LRP12: variants seen among roughly 807,000 people sequenced by gnomAD.
LRP12 encodes LDL receptor related protein 12, also known as low-density lipoprotein receptor-related protein 12.
In LRP12, 14 loss-of-function variants were observed where a neutral mutation model predicts 66.0. The observed-to-expected ratio is 0.21, with a 90% CI of 0.14 to 0.33. The LOEUF (loss-of-function observed/expected upper bound fraction) is 0.33, where lower values mean the gene tolerates loss of function less well. LRP12 is among the 10% of genes least tolerant of loss of function. The probability of loss-of-function intolerance (pLI) is 1.00; values close to 1 mark genes in which losing one functional copy is unlikely to be tolerated. For missense variants in LRP12, 889 were observed against 1,053.4 expected, an observed-to-expected ratio of 0.84 and a Z score of 2.16; for synonymous variants, 357 against 359.1, an observed-to-expected ratio of 0.99 and a Z score of 0.07.
chr8:104,571,916 G>T (rs1402258151), intron 1 of LRP12, among the ~76,000 whole-genome samples: 1 of 152,210 alleles, frequency 6.6e-6, no homozygotes, highest in Admixed American at 6.5e-5. Context: ...GTGTCAGAAA[G>T]GCTGGGGACC....
intron 2 of LRP12, among the ~76,000 whole-genome samples, chr8:104,526,693 A>G (rs1811244765): frequency 6.8e-6 from 1 of 147,142 alleles, no homozygotes. Flanking sequence ...AAGATGGATT[A>G]AAGACTTAAA....
chr8:104,572,073 G>T (rs1245936585), intron 1 of LRP12, among the ~76,000 whole-genome samples: 1 of 152,200 alleles, frequency 6.6e-6, no homozygotes, highest in Non-Finnish European at 1.5e-5. Flanking sequence ...TCCATAAAAT[G>T]GCAAGGAATA....
At position 104,491,312 on chromosome 8, in the gene LRP12, C is replaced by T. The variant is rs149872014; in HGVS notation, c.1941G>A (p.Leu647=). The T allele has an allele frequency of 1.7e-5, 27 of 1,614,160 alleles. No homozygotes were observed. The highest frequency in any genetic ancestry group is 1.2e-4 in the African/African-American group (9 of 75,058). The change falls in exon 7 of 7, where the codon TTG becomes TTA. Residue 647 remains leucine (L), a synonymous_variant. Transcript: ENST00000276654. ...EPERNHTHRS[L]FSVESDDTDT... ...CTGTATCATCAGACTCCACGGAAAA[C>T]AAACTTCTGTGAGTATGATTTCTCT... is the stretch of plus-strand genomic sequence containing the variant.
chr8:104,531,892 C>A lies in LRP12; in HGVS notation c.136+15G>T. 6.4e-7 allele frequency: 1 copy of A among 1,554,238 alleles called. No individual in the cohort carries two copies. Among genetic ancestry groups the A allele is most frequent in the Admixed American group, 1.9e-5 (1 of 52,926 alleles). On this transcript the variant is annotated intron_variant, in intron 2 of 6. Transcript: ENST00000276654. ...AGTCATGCATGAAATTTAAACATTACAAAAAATGACTTACCAGTTGACACT... is the reference window on the plus strand; with the variant it reads ...AGTCATGCATGAAATTTAAACATTAAAAAAAATGACTTACCAGTTGACACT...
intron 2 of LRP12, among the ~76,000 whole-genome samples, chr8:104,516,174 T>G (rs2140849065): frequency 6.6e-6 from 1 of 152,298 alleles, no homozygotes; most frequent in Non-Finnish European, 1.5e-5. Flanking sequence ...TTTTATAAAT[T>G]TTCTATAACC....
chr8:104,544,573 A>T (rs1811528380), intron 1 of LRP12, among the ~76,000 whole-genome samples: 1 of 152,152 alleles, frequency 6.6e-6, no homozygotes, highest in South Asian at 2.1e-4. Context: ...CTTTAAGTTG[A>T]AGCTAATGAT....
chr8:104,577,769 C>T (rs1812187477), intron 1 of LRP12, among the ~76,000 whole-genome samples: 1 of 148,404 alleles, frequency 6.7e-6, no homozygotes, highest in Admixed American at 6.8e-5. Flanking sequence ...CAAGACTGCG[C>T]CACTGTGCTC....
intron 1 of LRP12, among the ~76,000 whole-genome samples, chr8:104,572,555 T>C (rs1812098152): frequency 6.6e-6 from 1 of 152,002 alleles, no homozygotes; most frequent in Admixed American, 6.6e-5. Flanking sequence ...ACGTCTAAAA[T>C]AAAGAAACCT....
chr8:104,564,696 C>T (rs147403199), intron 1 of LRP12, among the ~76,000 whole-genome samples: 1 of 151,950 alleles, frequency 6.6e-6, no homozygotes, highest in East Asian at 1.9e-4. Context: ...TTTGGGAGGC[C>T]GAGGCGGGCA....
At chr8:104,587,429 C>CT (rs1244632994) in intron 1 of LRP12, among the ~76,000 whole-genome samples, 3 of 152,116 alleles carry the variant, frequency 2.0e-5, no homozygotes, top group Non-Finnish European at 4.4e-5. Context: ...AATCAAAAGT[C>CT]GTGTACTGGG....
intron 1 of LRP12, among the ~76,000 whole-genome samples, chr8:104,576,823 T>C (rs1812172142): frequency 6.6e-6 from 1 of 151,998 alleles, no homozygotes; most frequent in Non-Finnish European, 1.5e-5. Flanking sequence ...GCAAGCTGGA[T>C]AAAGAACCAA....
intron 1 of LRP12, among the ~76,000 whole-genome samples, chr8:104,582,319 GTTTT>G (rs1369372236): frequency 6.6e-6 from 1 of 151,956 alleles, no homozygotes; most frequent in African/African-American, 2.4e-5. Context: ...TCTTTTGTCA[GTTTT>G]ATTTACTTTG....
intron 1 of LRP12, among the ~76,000 whole-genome samples, chr8:104,532,582 G>C (rs915268997): frequency 4.6e-5 from 7 of 151,942 alleles, no homozygotes; most frequent in African/African-American, 1.7e-4. Flanking sequence ...CCCATTAGTT[G>C]GATCTGGCAT....
intron 1 of LRP12, among the ~76,000 whole-genome samples, chr8:104,533,884 C>G (rs11777528): frequency 0.15 from 22,231 of 151,692 alleles, 2,424 homozygotes; most frequent in African/African-American, 0.31. Context: ...AGGCAAAAAA[C>G]CAGCATAATG....
intron 1 of LRP12, among the ~76,000 whole-genome samples, chr8:104,538,093 C>G (rs1588496375): frequency 6.6e-6 from 1 of 152,244 alleles, no homozygotes; most frequent in East Asian, 1.9e-4. Context: ...CCAACCTTGT[C>G]AAGGAAAACA....
At chr8:104,524,529 A>G (rs1423610009) in intron 2 of LRP12, among the ~76,000 whole-genome samples, 1 of 152,204 alleles carries the variant, frequency 6.6e-6, no homozygotes, top group Non-Finnish European at 1.5e-5. Flanking sequence ...AAGTCACATG[A>G]TGGAAATTTT....
chr8:104,585,781 A>T (rs186133948), intron 1 of LRP12, among the ~76,000 whole-genome samples: 1 of 152,328 alleles, frequency 6.6e-6, no homozygotes, highest in East Asian at 1.9e-4. Flanking sequence ...AAAAGTTAGG[A>T]AACACTAATC....
At chr8:104,576,306 T>C (rs35649342) in intron 1 of LRP12, among the ~76,000 whole-genome samples, 22,045 of 151,944 alleles carry the variant, frequency 0.15, 2,409 homozygotes, top group African/African-American at 0.31. Context: ...ATCCCCAAGG[T>C]GTGTAATCAT....
intron 1 of LRP12, among the ~76,000 whole-genome samples, chr8:104,586,591 T>C (rs776030224): frequency 9.9e-5 from 15 of 152,242 alleles, no homozygotes; most frequent in Non-Finnish European, 2.9e-5. Context: ...TTTCTCAGGA[T>C]GCATCCACCA....
Sources: allele counts gnomAD v4.1 joint callset (sites outside exome capture counted in the v4.1 genomes callset), GRCh38; gene constraint gnomAD v4.1.1; transcripts MANE v1.5; gene names NCBI Gene and HGNC (gene_info 2026-07-23, HGNC 2026-07-21).